Variants in ADCY1 observed in about 807,000 individuals in gnomAD.
The protein encoded by ADCY1 is adenylate cyclase type 1.
A neutral mutation model predicts 105.4 loss-of-function variants in ADCY1; 28 were observed. The ratio of observed to expected loss-of-function variants is 0.27; its 90% CI spans 0.20 to 0.36. ADCY1 has a LOEUF of 0.36. Among genes scored for constraint, ADCY1 ranks in the 10% least tolerant of loss-of-function variants. The pLI is 1.00. For synonymous variants in ADCY1, 655 were observed against 623.8 expected, an observed-to-expected ratio of 1.05 and a Z score of -0.75; for missense variants, 977 against 1,434.2, an observed-to-expected ratio of 0.68 and a Z score of 5.15.
intron 2 of ADCY1, among the ~76,000 whole-genome samples, chr7:45,595,125 AT>A (rs1209033841): frequency 2.0e-5 from 3 of 152,142 alleles, no homozygotes; most frequent in African/African-American, 7.2e-5. Context: ...TAAATATGTC[AT>A]TTCTTTCCCA....
intron 17 of ADCY1, among the ~76,000 whole-genome samples, chr7:45,706,492 C>CA (rs58794109): frequency 0.45 from 26,611 of 59,338 alleles, 5,856 homozygotes; most frequent in African/African-American, 0.64. Context: ...ACATCACATG[C>CA]AAAAAAAAAA....
chr7:45,642,150 C>T (rs1794543199), intron 4 of ADCY1, among the ~76,000 whole-genome samples: 1 of 152,014 alleles, frequency 6.6e-6, no homozygotes, highest in African/African-American at 2.4e-5. Context: ...CAGTGAGCAC[C>T]CAGGTCATCA....
intron 18 of ADCY1, among the ~76,000 whole-genome samples, chr7:45,709,255 C>G (rs140475921): frequency 0.021 from 3,155 of 152,252 alleles, 49 homozygotes; most frequent in Middle Eastern, 0.051. Context: ...GCCCTGGGCT[C>G]TGGTCGGCAG....
At chr7:45,676,917 T>C (rs1784466329) in intron 8 of ADCY1, among the ~76,000 whole-genome samples, 1 of 150,836 alleles carries the variant, frequency 6.6e-6, no homozygotes, top group South Asian at 2.1e-4. Context: ...AGGTTGCCCC[T>C]TTTTTTTTCT....
At chr7:45,641,600 C>A (rs1794525420) in intron 4 of ADCY1, among the ~76,000 whole-genome samples, 1 of 152,144 alleles carries the variant, frequency 6.6e-6, no homozygotes, top group African/African-American at 2.4e-5. Context: ...TCTCTAAAAC[C>A]CAGTCTGGGC....
chr7:45,674,807 T>C (rs901466110), intron 8 of ADCY1, among the ~76,000 whole-genome samples: 2 of 152,238 alleles, frequency 1.3e-5, no homozygotes, highest in African/African-American at 4.8e-5. Flanking sequence ...TCTCTATCCC[T>C]GGTAAATTTT....
intron 11 of ADCY1, among the ~76,000 whole-genome samples, chr7:45,683,661 C>G (rs972556776): frequency 2.0e-5 from 3 of 152,160 alleles, no homozygotes; most frequent in Non-Finnish European, 4.4e-5. Flanking sequence ...TTAGCACTTT[C>G]ATTTGATGAT....
chr7:45,713,339 A>G (rs1399552783), intron 19 of ADCY1, among the ~76,000 whole-genome samples: 1 of 152,114 alleles, frequency 6.6e-6, no homozygotes, highest in Non-Finnish European at 1.5e-5. Flanking sequence ...GCCCTGCCCC[A>G]CTGCCTGCCT....
chr7:45,629,601 C>G (rs563987241), intron 4 of ADCY1, among the ~76,000 whole-genome samples: 3 of 151,556 alleles, frequency 2.0e-5, no homozygotes, highest in Admixed American at 6.6e-5. Context: ...TCACTGCAAG[C>G]TCCGCTTCCC....
At chr7:45,619,936 G>T (rs1793846183) in intron 3 of ADCY1, among the ~76,000 whole-genome samples, 1 of 152,094 alleles carries the variant, frequency 6.6e-6, no homozygotes, top group Non-Finnish European at 1.5e-5. Flanking sequence ...ACCTATGTAG[G>T]TTTATCAAAA....
intron 2 of ADCY1, among the ~76,000 whole-genome samples, chr7:45,606,721 G>GT (rs1035806682): frequency 1.1e-4 from 17 of 152,130 alleles, no homozygotes; most frequent in African/African-American, 3.6e-4. Context: ...TGAAAATCTA[G>GT]TTTTTTTTAA....
At chr7:45,659,162 G>A (rs1486953444) in intron 6 of ADCY1, among the ~76,000 whole-genome samples, 2 of 152,216 alleles carry the variant, frequency 1.3e-5, no homozygotes, top group Non-Finnish European at 2.9e-5. Flanking sequence ...GCTGGGAAAG[G>A]CCTCGTGATC....
intron 3 of ADCY1, among the ~76,000 whole-genome samples, chr7:45,612,852 C>A (rs1258921476): frequency 1.3e-5 from 2 of 152,112 alleles, no homozygotes; most frequent in Admixed American, 1.3e-4. Flanking sequence ...ACCATAACTT[C>A]CCCCTACTCA....
intron 4 of ADCY1, among the ~76,000 whole-genome samples, chr7:45,635,404 T>G (rs1265719761): frequency 6.6e-6 from 1 of 151,752 alleles, no homozygotes; most frequent in Non-Finnish European, 1.5e-5. Flanking sequence ...TCTGGTTATT[T>G]TGGGTTTAAT....
chr7:45,709,956 G>T (rs1785193167), intron 18 of ADCY1, among the ~76,000 whole-genome samples: 1 of 152,204 alleles, frequency 6.6e-6, no homozygotes, highest in African/African-American at 2.4e-5. Flanking sequence ...CAGCTGGTCT[G>T]CAGCTGTCCG....
At chr7:45,600,828 G>C (rs1454340758) in intron 2 of ADCY1, among the ~76,000 whole-genome samples, 1 of 152,130 alleles carries the variant, frequency 6.6e-6, no homozygotes, top group Non-Finnish European at 1.5e-5. Flanking sequence ...GTGTCTCTCT[G>C]TGTCTCCTGA....
At position 45,617,163 on chromosome 7, in the gene ADCY1, T is replaced by G. The variant is rs115010416; in HGVS notation, c.909-5469T>G. Among the ~76,000 whole-genome samples the G allele has an allele frequency of 4.5e-3, 688 of 152,314 alleles. 7 individuals are homozygous for G. Among genetic ancestry groups the G allele is most frequent in the African/African-American group, 0.016 (658 of 41,568 alleles). ...TTGTTTTGGGATCCAGCAGTGCCAG[T>G]CCTAGGCATTCAGGAAATGTGGGCT... is the stretch of plus-strand genomic sequence containing the variant. On this transcript the variant is annotated intron_variant, in intron 3 of 19. Coordinates refer to ENST00000297323, the MANE Select transcript of ADCY1 (RefSeq NM_021116.4).
Position 45,708,335 on chromosome 7 carries a change from T to A in ADCY1, c.2818-15T>A, listed in dbSNP as rs1278979110. The A allele has an allele frequency of 1.9e-6, 3 of 1,600,844 alleles. No individual in the cohort carries two copies. The highest frequency in any genetic ancestry group is 2.6e-6 in the Non-Finnish European group (3 of 1,168,130). ...GCACTCCCCAGATGTAATGACCCCA[T>A]CTGTTTACACCTAGGCTAAGAAGTC... On this transcript the variant is annotated splice_polypyrimidine_tract_variant and intron_variant, in intron 17 of 19. Transcript: ENST00000297323. The surrounding 1 kb of genome is among the most constrained non-coding windows in gnomAD (Gnocchi z 4.7).
chr7:45,588,919 A>T (rs2115756835), intron 1 of ADCY1, among the ~76,000 whole-genome samples: 1 of 148,932 alleles, frequency 6.7e-6, no homozygotes, highest in Non-Finnish European at 1.5e-5. Context: ...CACTTTCCTT[A>T]CTTTCTGGCA....
Sources: allele counts gnomAD v4.1 joint callset (sites outside exome capture counted in the v4.1 genomes callset), GRCh38; gene constraint gnomAD v4.1.1; non-coding constraint Gnocchi (gnomAD v3.1); transcripts MANE v1.5; gene names NCBI Gene and HGNC (gene_info 2026-07-23, HGNC 2026-07-21).